Variants in IL6ST observed in about 807,000 individuals in gnomAD.
IL6ST encodes the protein interleukin 6 cytokine family signal transducer, also known as interleukin-6 receptor subunit beta.
Under a neutral mutation model 91.3 loss-of-function variants are expected in IL6ST, and 24 were observed. That is an observed-to-expected ratio of 0.26 (90% CI 0.19 to 0.37). The LOEUF is 0.37. Ranked by LOEUF, IL6ST falls within the 10% of genes least tolerant of loss-of-function variation. IL6ST has a pLI of 1.00. For missense variants in IL6ST, 914 were observed against 1,078.5 expected, an observed-to-expected ratio of 0.85 and a Z score of 2.14; for synonymous variants, 351 against 373.6, an observed-to-expected ratio of 0.94 and a Z score of 0.70.
At chr5:55,990,148 T>C (rs1754229109) in intron 1 of IL6ST, among the ~76,000 whole-genome samples, 1 of 152,206 alleles carries the variant, frequency 6.6e-6, no homozygotes, top group South Asian at 2.1e-4. Flanking sequence ...GCTCTGGATA[T>C]GTATACACAC....
intron 4 of IL6ST, among the ~76,000 whole-genome samples, chr5:55,969,147 A>G (rs149407089): frequency 0.01 from 1,533 of 151,180 alleles, 30 homozygotes; most frequent in African/African-American, 0.035. Context: ...AGATGATGCC[A>G]CTGCACTCCA....
chr5:55,973,815 A>G (rs1753106227), intron 3 of IL6ST, among the ~76,000 whole-genome samples: 1 of 152,212 alleles, frequency 6.6e-6, no homozygotes, highest in Non-Finnish European at 1.5e-5. Context: ...TTAATCAACA[A>G]CTTGGGAAAA....
Position 55,935,880 on chromosome 5 carries a change from G to A in IL6ST, c.*5202C>T, listed in dbSNP as rs2112635845. The A allele has an allele frequency of 9.1e-6, 2 of 218,668 alleles. No individual in the cohort carries two copies. Among genetic ancestry groups the A allele is most frequent in the South Asian group, 3.7e-4 (2 of 5,400 alleles). The allele number at this position is 218,668 out of a possible 1,614,324, so 13.5% of individuals were successfully genotyped here. A position where few individuals can be genotyped will look rare whatever the true frequency, so the allele number is the denominator to read the frequency against. ...ACATAATCTTTTCCAAAGCAGGATG[G>A]ACTGTATCTATCATACACATTAGGA... On this transcript the variant is annotated 3_prime_UTR_variant, in exon 17 of 17. Coordinates refer to ENST00000381298, the MANE Select transcript of IL6ST (RefSeq NM_002184.4).
intron 2 of IL6ST, among the ~76,000 whole-genome samples, chr5:55,977,109 GACATATAATAGAAT>G (rs1246271426): frequency 6.6e-6 from 1 of 151,598 alleles, no homozygotes; most frequent in African/African-American, 2.4e-5. Context: ...CAATGGTAGA[GACATATAATAGAAT>G]ACTACTCAGC....
chr5:55,941,135 G>A lies in IL6ST; in HGVS notation c.2704C>T (p.Pro902Ser). 1 of 1,613,960 alleles carries A rather than the reference G, an allele frequency of 6.2e-7. No individual in the cohort carries two copies. Among genetic ancestry groups the A allele is most frequent in the Non-Finnish European group, 8.5e-7 (1 of 1,179,900 alleles). The change falls in exon 17 of 17, where the codon CCT becomes TCT. Residue 902 changes from proline to serine, a missense_variant. By Grantham distance (74) the Pro-to-Ser change is moderately conservative. Transcript: ENST00000381298. ...GMEAATDEGM[P>S]KSYLPQTVRQ... ...ACAGTCTGTGGTAAGTAACTTTTAGGCATGCCTTCATCAGTCGCAGCCTCC... is the reference window on the plus strand; with the variant it reads ...ACAGTCTGTGGTAAGTAACTTTTAGACATGCCTTCATCAGTCGCAGCCTCC...
rs564716356 is a variant in IL6ST, at chr5:55,983,307, C to A, written c.-103-496G>T. On this transcript the variant is annotated intron_variant, in intron 1 of 16. Transcript: ENST00000381298. The stretch of plus-strand genomic sequence containing the variant: ...AGCCCTAGTGCTATGATTTGATATA[C>A]GCTTGCAAACATTATTGGCTCACCC... Among the ~76,000 whole-genome samples the A allele has an allele frequency of 1.7e-4, 26 of 152,268 alleles. No individual in the cohort carries two copies. In the South Asian group the frequency reaches 2.7e-3, roughly 16 times the overall value.
chr5:55,963,646 C>G (rs1356668472), intron 6 of IL6ST, 140 bp from the exon 7 acceptor site: 5 of 657,468 alleles, frequency 7.6e-6, no homozygotes, highest in Non-Finnish European at 1.3e-5. Flanking sequence ...GAAAATTATG[C>G]TATGCTATAT....
At chr5:55,947,713 A>C in intron 14 of IL6ST, 124 bp from the exon 15 acceptor site, 1 of 600,294 alleles carries the variant, frequency 1.7e-6, no homozygotes, top group South Asian at 2.4e-5. Flanking sequence ...ATACAATCCT[A>C]ATTATTTTTC....
intron 3 of IL6ST, among the ~76,000 whole-genome samples, chr5:55,974,083 G>T (rs1753126295): frequency 6.6e-6 from 1 of 152,118 alleles, no homozygotes; most frequent in Non-Finnish European, 1.5e-5. Flanking sequence ...AGCTCAACAT[G>T]AAACAAGGGT....
rs1329542026 is a variant in IL6ST, at chr5:55,938,723, C to T, written c.*2359G>A. 1 of 200,778 alleles carries T rather than the reference C, an allele frequency of 5.0e-6. No homozygotes were observed. Among genetic ancestry groups the T allele is most frequent in the Non-Finnish European group, 1.0e-5 (1 of 97,442 alleles). 12.4% of individuals were successfully genotyped at this position (200,778 alleles called of 1,614,324 possible). On this transcript the variant is annotated 3_prime_UTR_variant, in exon 17 of 17. Coordinates refer to ENST00000381298, the MANE Select transcript of IL6ST (RefSeq NM_002184.4). ...CATCAACACATAGATTATTCTAAGACATGCTTGGGAAAGTAATTTTGAATG... is the reference window on the plus strand; with the variant it reads ...CATCAACACATAGATTATTCTAAGATATGCTTGGGAAAGTAATTTTGAATG...
chr5:55,955,337 A>T (rs1290947434), intron 10 of IL6ST, among the ~76,000 whole-genome samples: 1 of 152,188 alleles, frequency 6.6e-6, no homozygotes, highest in Non-Finnish European at 1.5e-5. Flanking sequence ...CGTGCCTTTA[A>T]TTCCAGCTAC....
rs902285149 is a variant in IL6ST at position 55,976,621 on chromosome 5, C to T, written c.-15-328G>A. 1.2e-4 allele frequency among the ~76,000 whole-genome samples: 18 copies of T among 152,108 alleles called. 1 individual carries two copies. Among genetic ancestry groups the T allele is most frequent in the South Asian group, 6.2e-4 (3 of 4,818 alleles). On this transcript the variant is annotated intron_variant, in intron 2 of 16. Transcript: ENST00000381298. ...CAAATTTCTACATGGCAAAACTCAC[C>T]ATAATATGTATCCTTAAAAGATACC...
At chr5:55,943,496 C>T (rs114005412) in intron 15 of IL6ST, among the ~76,000 whole-genome samples, 1,617 of 152,228 alleles carry the variant, frequency 0.011, 31 homozygotes, top group African/African-American at 0.036. Flanking sequence ...TAAAACCAGA[C>T]AGATAAGGCA....
chr5:55,954,652 G>T (rs1229478765), intron 11 of IL6ST, among the ~76,000 whole-genome samples, 158 bp downstream of exon 11: 1 of 152,150 alleles, frequency 6.6e-6, no homozygotes, highest in Non-Finnish European at 1.5e-5. Context: ...ATTCAGAGAG[G>T]TTAAGTATGA....
chr5:55,937,000 ATT>A lies in IL6ST; in HGVS notation c.*4080_*4081del, dbSNP rs1048639223. The A allele has an allele frequency of 5.0e-6, 1 of 200,428 alleles. No individual in the cohort carries two copies. Among genetic ancestry groups the A allele is most frequent in the African/African-American group, 2.3e-5 (1 of 43,616 alleles). The allele number at this position is 200,428 out of a possible 1,614,324, so 12.4% of individuals were successfully genotyped here. A position where few individuals can be genotyped will look rare whatever the true frequency, so the allele number is the denominator to read the frequency against. On this transcript the variant is annotated 3_prime_UTR_variant, in exon 17 of 17. Coordinates refer to ENST00000381298, the MANE Select transcript of IL6ST (RefSeq NM_002184.4). The stretch of plus-strand genomic sequence containing the variant: ...TAGAGTATATTCAATACACATACAT[ATT>A]GAGACTAGAGAATTTTCAAATATCT...
chr5:55,940,242 C>T lies in IL6ST; in HGVS notation c.*840G>A, dbSNP rs1750813157. 4.7e-6 allele frequency: 1 copy of T among 211,862 alleles called. No homozygotes were observed. Among genetic ancestry groups the T allele is most frequent in the African/African-American group, 2.3e-5 (1 of 44,162 alleles). The allele number at this position is 211,862 out of a possible 1,614,324, so 13.1% of individuals were successfully genotyped here. A position where few individuals can be genotyped will look rare whatever the true frequency, so the allele number is the denominator to read the frequency against. ...CCCCTTTACTACTACTTCCTGTTTT[C>T]CCCTTTACTACTACAATTTAAGCCT... On this transcript the variant is annotated 3_prime_UTR_variant, in exon 17 of 17. Transcript: ENST00000381298.
intron 8 of IL6ST, among the ~76,000 whole-genome samples, chr5:55,957,878 T>A (rs1196213490): frequency 6.6e-6 from 1 of 152,124 alleles, no homozygotes; most frequent in Non-Finnish European, 1.5e-5. Flanking sequence ...AAAAATGAAA[T>A]AAACATAAGT....
Position 55,938,787 on chromosome 5 carries a change from G to A in IL6ST, c.*2295C>T, listed in dbSNP as rs1167576180. The A allele has an allele frequency of 4.9e-6, 1 of 202,452 alleles. No individual in the cohort carries two copies. Among genetic ancestry groups the A allele is most frequent in the Admixed American group, 6.0e-5 (1 of 16,706 alleles). 12.5% of individuals were successfully genotyped at this position (202,452 alleles called of 1,614,324 possible). ...AATTTATTTTCTCCTTAGGGCAGGT[G>A]TACATTACATATTAGTGCTCAAATA... On this transcript the variant is annotated 3_prime_UTR_variant, in exon 17 of 17. Transcript: ENST00000381298.
chr5:55,952,230 A>G lies in IL6ST; in HGVS notation c.1552+20T>C. On this transcript the variant is annotated intron_variant, in intron 12 of 16. Coordinates refer to ENST00000381298, the MANE Select transcript of IL6ST (RefSeq NM_002184.4). ...CAAAGCCCTAAACTTTTTTTTTCAA[A>G]GAAGTGAGTTTGGACTTACGAGCTT... is the stretch of plus-strand genomic sequence containing the variant. 1 of 1,569,750 alleles carries G rather than the reference A, an allele frequency of 6.4e-7. No homozygotes were observed. Among genetic ancestry groups the G allele is most frequent in the East Asian group, 2.2e-5 (1 of 44,468 alleles).
Sources: allele counts gnomAD v4.1 joint callset (sites outside exome capture counted in the v4.1 genomes callset), GRCh38; gene constraint gnomAD v4.1.1; transcripts MANE v1.5; gene names NCBI Gene and HGNC (gene_info 2026-07-23, HGNC 2026-07-21).